NFRKB: variants seen among roughly 807,000 people sequenced by gnomAD.
NFRKB encodes nuclear factor related to kappa-B-binding protein.
A neutral mutation model predicts 135.7 loss-of-function variants in NFRKB; 62 were observed. That is an observed-to-expected ratio of 0.46 (90% CI 0.37 to 0.56). The LOEUF is 0.56. Ranked by LOEUF, NFRKB falls within the 20% of genes least tolerant of loss-of-function variation. The pLI, the probability that NFRKB is intolerant of heterozygous loss-of-function variation, is 0.00. For missense variants in NFRKB, 1,545 were observed against 1,662.0 expected (o/e 0.93, Z 1.22); for synonymous variants, 678 against 635.6 (o/e 1.07, Z -1.00).
chr11:129,873,232 A>G (rs1331297268), intron 22 of NFRKB, 136 bp from the exon 23 acceptor site: 2 of 677,130 alleles, frequency 3.0e-6, no homozygotes, highest in Non-Finnish European at 4.8e-6. Flanking sequence ...AAGGCACACC[A>G]CTCTCTAAAA....
chr11:129,887,300 A>G (rs1949324993), intron 4 of NFRKB, among the ~76,000 whole-genome samples: 1 of 152,232 alleles, frequency 6.6e-6, no homozygotes, highest in Non-Finnish European at 1.5e-5. Context: ...AGACTATCAC[A>G]TGATCCATGA....
At position 129,886,441 on chromosome 11, in the gene NFRKB, C is replaced by T. The variant is rs1949281590; in HGVS notation, c.341G>A (p.Gly114Glu). ...CTTGACCACCTCGGGGTTAAAGTGT[C>T]CGTCTTAAAAAAATAAAGGTATATA... is the stretch of plus-strand genomic sequence containing the variant. The part of the protein sequence containing the change: ...LHIAQKLFRD[G>E]HFNPEVVKYR... The change falls in exon 5 of 27, where the codon GGA becomes GAA. Residue 114 changes from glycine (G) to glutamate (E), a missense_variant. Physicochemically the swap from Gly to Glu is moderately conservative, Grantham distance 98 (BLOSUM62 -2). Around this residue, in one of 3 missense-constraint regions of NFRKB, gnomAD observed 678 missense variants for 646.7 expected, o/e 1.05. Transcript: ENST00000682444. 1 of 1,613,092 alleles carries T rather than the reference C, an allele frequency of 6.2e-7. No homozygotes were observed. Among genetic ancestry groups the T allele is most frequent in the Non-Finnish European group, 8.5e-7 (1 of 1,179,774 alleles).
chr11:129,885,639 C>T lies in NFRKB; in HGVS notation c.466-30G>A, dbSNP rs1456649882. The T allele has an allele frequency of 3.2e-6, 5 of 1,579,296 alleles. No homozygotes were observed. In the South Asian group the frequency reaches 5.7e-5, roughly 18 times the overall value. On this transcript the variant is annotated intron_variant, in intron 5 of 26. Transcript: ENST00000682444. ...GTAGAGATCAGGTGGGGGTACAAGTCATCATCCAAGACCTGTTCTGGAACA... is the reference window on the plus strand; with the variant it reads ...GTAGAGATCAGGTGGGGGTACAAGTTATCATCCAAGACCTGTTCTGGAACA...
intron 1 of NFRKB, among the ~76,000 whole-genome samples, chr11:129,894,790 C>A (rs78024832): frequency 0.021 from 3,113 of 151,112 alleles, 103 homozygotes; most frequent in African/African-American, 0.071. Context: ...AAAATAGCAC[C>A]AAAAAAAAAT....
chr11:129,893,389 C>CCAA (rs751673795), intron 2 of NFRKB: 1 of 111,952 alleles, frequency 8.9e-6, no homozygotes, highest in Non-Finnish European at 1.6e-5. Context: ...CCCTTCTCTA[C>CCAA]AAAAAAAAAA....
chr11:129,865,985 T>TAAAAA lies in NFRKB; in HGVS notation c.3532-3_3532-2insTTTTT. The stretch of plus-strand genomic sequence containing the variant: ...TGTGATCCGTGTAGGCAACTTCCCC[T>TAAAAA]AGAAAAAAAAAGCAGTCAGGTTTTG... On this transcript the variant is annotated splice_region_variant and splice_polypyrimidine_tract_variant and intron_variant, in intron 24 of 26. Coordinates refer to ENST00000682444, the MANE Select transcript of NFRKB (RefSeq NM_001143835.2). The TAAAAA allele has an allele frequency of 6.4e-7, 1 of 1,569,560 alleles. No homozygotes were observed. The highest frequency in any genetic ancestry group is 2.0e-5 in the Admixed American group (1 of 51,188).
intron 4 of NFRKB, 33 bp from the exon 5 acceptor site, chr11:129,886,477 A>C (rs1949284211): frequency 6.3e-7 from 1 of 1,593,812 alleles, no homozygotes; most frequent in Non-Finnish European, 8.6e-7. Flanking sequence ...TATTTACATC[A>C]ATCAACAAAT....
intron 17 of NFRKB, among the ~76,000 whole-genome samples, chr11:129,876,340 T>C (rs1948764371): frequency 6.6e-6 from 1 of 152,228 alleles, no homozygotes; most frequent in African/African-American, 2.4e-5. Context: ...TTTTATTTCA[T>C]ACATTTAAAA....
chr11:129,873,071 T>A lies in NFRKB; in HGVS notation c.2576A>T (p.Lys859Ile), dbSNP rs769480182. ...PQTVMATVPV[K>I]AQTTAATVQR... The stretch of plus-strand genomic sequence containing the variant: ...CACAGTGGCTGCCGTAGTCTGCGCT[T>A]TGACGGGCACAGTGGCCATTACTGT... Residue 859 changes from lysine to isoleucine, a missense_variant, in exon 23 of 27, where the codon AAA (lysine) becomes ATA (isoleucine). Transcript: ENST00000682444. 6 of 1,611,594 alleles carry A rather than the reference T, an allele frequency of 3.7e-6. No individual in the cohort carries two copies. In the African/African-American group the frequency reaches 6.7e-5, roughly 18 times the overall value.
Position 129,863,974 on chromosome 11 carries a change from A to C in NFRKB, c.*751T>G, listed in dbSNP as rs1320756631. On this transcript the variant is annotated 3_prime_UTR_variant, in exon 27 of 27. Transcript: ENST00000682444. ...GGACGTCCATGTGAACAGGCTTGCC[A>C]AGAAGGACAAAGTGGGCAGGTAAAG... 1 of 152,276 alleles carries C rather than the reference A, an allele frequency of 6.6e-6. No homozygotes were observed. Among genetic ancestry groups the C allele is most frequent in the Non-Finnish European group, 1.5e-5 (1 of 68,154 alleles). 9.4% of individuals were successfully genotyped at this position (152,276 alleles called of 1,614,324 possible).
intron 22 of NFRKB, 79 bp downstream of exon 22, chr11:129,873,666 A>T: frequency 6.4e-7 from 1 of 1,555,572 alleles, no homozygotes; most frequent in Middle Eastern, 2.1e-4. Context: ...GTCCTTACCC[A>T]GACACTGCCC....
At position 129,869,728 on chromosome 11, in the gene NFRKB, G is replaced by A. The variant is rs756757722; in HGVS notation, c.3297C>T (p.Pro1099=). The A allele has an allele frequency of 1.2e-6, 2 of 1,614,118 alleles. No homozygotes were observed. The highest frequency in any genetic ancestry group is 2.7e-5 in the African/African-American group (2 of 74,936). Residue 1099 remains proline, a synonymous_variant, in exon 24 of 27, where the codon CCC becomes CCT. Coordinates refer to ENST00000682444, the MANE Select transcript of NFRKB (RefSeq NM_001143835.2). The part of the protein sequence containing the change: ...RIVQGLGVMP[P]KAGQTITVAT... Reference sequence around the variant, plus strand: ...CAACGGTGATGGTCTGGCCTGCTTTGGGAGGCATCACTCCCAGTCCCTGCA... The same window carrying A: ...CAACGGTGATGGTCTGGCCTGCTTTAGGAGGCATCACTCCCAGTCCCTGCA...
intron 2 of NFRKB, chr11:129,893,372 G>A: frequency 5.8e-6 from 1 of 171,622 alleles, no homozygotes; most frequent in Admixed American, 9.2e-5. Context: ...AGCGAACATG[G>A]CAAAACCCCT....
Position 129,875,652 on chromosome 11 carries a change from CTTTTTTTTTTTTTT to C in NFRKB, c.1748-203_1748-190del, listed in dbSNP as rs761583169. Among the ~76,000 whole-genome samples, 216 of 101,812 alleles carry C rather than the reference CTTTTTTTTTTTTTT, an allele frequency of 2.1e-3. 1 individual carries two copies. Among genetic ancestry groups the C allele is most frequent in the Non-Finnish European group, 3.0e-3 (150 of 50,494 alleles). The allele number at this position is 101,812 out of a possible 152,430, so 66.8% of individuals were successfully genotyped here. ...AGCCACTGGAGTTCCCTATACACTT[CTTTTTTTTTTTTTT>C]TTTTTTTTTGAGACAGTTTCGCTCT... On this transcript the variant is annotated intron_variant, in intron 17 of 26. Transcript: ENST00000682444.
chr11:129,875,010 C>A, intron 18 of NFRKB, 94 bp from the exon 19 acceptor site: 1 of 1,490,052 alleles, frequency 6.7e-7, no homozygotes, highest in South Asian at 1.2e-5. Context: ...GTATCTAAAT[C>A]ACAGCTGATG....
chr11:129,884,183 T>C, intron 7 of NFRKB, 40 bp from the exon 8 acceptor site: 1 of 1,576,200 alleles, frequency 6.3e-7, no homozygotes, highest in Admixed American at 1.7e-5. Context: ...ATCATGATTC[T>C]CCAATTTACA....
At chr11:129,876,925 G>A (rs1203695217) in intron 16 of NFRKB, 30 bp from the exon 17 acceptor site, 1 of 1,602,580 alleles carries the variant, frequency 6.2e-7, no homozygotes, top group Non-Finnish European at 8.5e-7. Flanking sequence ...AAGAGTTCTA[G>A]GTCAGAATTA....
intron 1 of NFRKB, among the ~76,000 whole-genome samples, 162 bp downstream of exon 1, chr11:129,895,334 T>C (rs568687925): frequency 7.5e-6 from 1 of 134,032 alleles, no homozygotes; most frequent in Non-Finnish European, 1.6e-5. Flanking sequence ...ACGCCGTGCC[T>C]AACCCTAACC....
chr11:129,881,562 A>G (rs1591512725), intron 12 of NFRKB, 54 bp from the exon 13 acceptor site: 1 of 1,610,188 alleles, frequency 6.2e-7, no homozygotes, highest in East Asian at 2.2e-5. Flanking sequence ...CTGAGCTCCG[A>G]AACAGCTTTT....
Sources: gnomAD v4.1 joint callset for allele counts (sites outside exome capture counted in the v4.1 genomes callset) on GRCh38, gnomAD v4.1.1 for gene constraint, gnomAD v4.1.1 regional missense constraint, MANE v1.5 for transcripts, NCBI Gene and HGNC (gene_info 2026-07-23, HGNC 2026-07-21) for gene names.